DSG4: variants seen among roughly 807,000 people sequenced by gnomAD.
DSG4 encodes the protein desmoglein-4.
In DSG4, 87 loss-of-function variants were observed where a neutral mutation model predicts 93.1. The ratio of observed to expected loss-of-function variants is 0.93; its 90% CI spans 0.79 to 1.12. DSG4 has a LOEUF of 1.12. Ranked by LOEUF, DSG4 falls within the 50% of genes most tolerant of loss-of-function variation. The probability of loss-of-function intolerance (pLI) is 0.00; values close to 1 mark genes in which losing one functional copy is unlikely to be tolerated. For missense variants in DSG4, 1,373 were observed against 1,285.7 expected, an observed-to-expected ratio of 1.07 and a Z score of -1.04; for synonymous variants, 432 against 452.9, an observed-to-expected ratio of 0.95 and a Z score of 0.59.
chr18:31,382,098 C>A, intron 1 of DSG4, among the ~76,000 whole-genome samples: 1 of 152,208 alleles, frequency 6.6e-6, no homozygotes, highest in Admixed American at 6.5e-5. Context: ...ACCAGGCCCA[C>A]AGAGACTGTA....
chr18:31,398,262 G>A (rs141719365), intron 8 of DSG4, among the ~76,000 whole-genome samples: 141 of 152,234 alleles, frequency 9.3e-4, no homozygotes, highest in Non-Finnish European at 1.4e-3. Flanking sequence ...TGTGCAAAAG[G>A]AATCAAAATC....
chr18:31,406,789 T>C (rs542922499), intron 12 of DSG4, among the ~76,000 whole-genome samples: 4 of 151,064 alleles, frequency 2.6e-5, no homozygotes, highest in Non-Finnish European at 5.9e-5. Flanking sequence ...TTCTTTTTCT[T>C]TTTTTTGAGA....
chr18:31,406,829 G>A (rs1431368582), intron 12 of DSG4, among the ~76,000 whole-genome samples: 2 of 151,762 alleles, frequency 1.3e-5, no homozygotes, highest in Non-Finnish European at 2.9e-5. Flanking sequence ...CCAGGCTGGA[G>A]TGCAGTGGCG....
chr18:31,384,639 T>C (rs1183121583), intron 1 of DSG4, among the ~76,000 whole-genome samples: 3 of 152,198 alleles, frequency 2.0e-5, no homozygotes, highest in Non-Finnish European at 2.9e-5. Context: ...CAACAGCATG[T>C]AGATTCTTGC....
intron 5 of DSG4, among the ~76,000 whole-genome samples, chr18:31,390,056 G>A (rs965139908): frequency 2.0e-5 from 3 of 152,122 alleles, no homozygotes; most frequent in African/African-American, 7.2e-5. Context: ...TTGGGGATTT[G>A]CCTAAGATAC....
Position 31,409,435 on chromosome 18 carries a change from G to T in DSG4, c.1934-17G>T, listed in dbSNP as rs2072460976. 1 of 1,613,920 alleles carries T rather than the reference G, an allele frequency of 6.2e-7. No individual in the cohort carries two copies. The highest frequency in any genetic ancestry group is 1.3e-5 in the African/African-American group (1 of 74,924). On this transcript the variant is annotated splice_polypyrimidine_tract_variant and intron_variant, in intron 12 of 15. Transcript: ENST00000308128. ...GAGCAATGTGTGTTAACTCGACATT[G>T]TCACTTTCTTGGGCAGTGGCTCCAC...
At chr18:31,409,113 G>T (rs368641596) in intron 12 of DSG4, among the ~76,000 whole-genome samples, 1 of 152,066 alleles carries the variant, frequency 6.6e-6, no homozygotes, top group African/African-American at 2.4e-5. Context: ...TTCATGATGC[G>T]TTTAACTTAC....
intron 2 of DSG4, among the ~76,000 whole-genome samples, 158 bp from the exon 3 acceptor site, chr18:31,386,530 A>G (rs561727985): frequency 6.6e-6 from 1 of 152,310 alleles, no homozygotes; most frequent in South Asian, 2.1e-4. Context: ...TAACCAAGCT[A>G]TCTATCTATC....
chr18:31,410,926 G>C (rs1469179167), intron 14 of DSG4, among the ~76,000 whole-genome samples: 1 of 152,216 alleles, frequency 6.6e-6, no homozygotes, highest in African/African-American at 2.4e-5. Context: ...CAGCAGCCAC[G>C]GCGGGAACGG....
chr18:31,383,890 A>G (rs563658756), intron 1 of DSG4, among the ~76,000 whole-genome samples: 1 of 152,320 alleles, frequency 6.6e-6, no homozygotes, highest in South Asian at 2.1e-4. Flanking sequence ...CCTGCTTTTC[A>G]ATTATTTGTT....
chr18:31,398,017 AC>A (rs1258021390), intron 8 of DSG4, among the ~76,000 whole-genome samples: 33 of 112,898 alleles, frequency 2.9e-4, no homozygotes, highest in African/African-American at 1.2e-3. Context: ...ACAGAATGAG[AC>A]CCTGTCTCAA....
At chr18:31,405,672 C>G (rs1239587413) in intron 11 of DSG4, among the ~76,000 whole-genome samples, 4 of 151,788 alleles carry the variant, frequency 2.6e-5, no homozygotes. Flanking sequence ...TTGCTGGAGC[C>G]CAGGAGTTCA....
intron 3 of DSG4, among the ~76,000 whole-genome samples, chr18:31,387,080 T>C (rs2072196760): frequency 6.6e-6 from 1 of 152,152 alleles, no homozygotes; most frequent in African/African-American, 2.4e-5. Flanking sequence ...TGTGTACTGC[T>C]CATTATTGCC....
Position 31,391,157 on chromosome 18 carries a change from G to A in DSG4, c.764G>A (p.Cys255Tyr). The stretch of plus-strand genomic sequence containing the variant: ...GATGGACTGTCTTCTGAGTGTGACT[G>A]TAGAATCAAGGTTTTAGACGTCAAC... ...AADGLSSECDCRIKVLDVNDN... is the reference protein window; with the variant it reads ...AADGLSSECDYRIKVLDVNDN... Residue 255 changes from cysteine to tyrosine, a missense_variant, in exon 7 of 16, where the codon TGT becomes TAT. By Grantham distance (194) the Cys-to-Tyr change is radical (BLOSUM62 -2). Transcript: ENST00000308128. 6.2e-7 allele frequency: 1 copy of A among 1,613,724 alleles called. No homozygotes were observed. The highest frequency in any genetic ancestry group is 8.5e-7 in the Non-Finnish European group (1 of 1,179,742).
At chr18:31,389,808 C>G (rs956388554) in intron 5 of DSG4, among the ~76,000 whole-genome samples, 1 of 152,040 alleles carries the variant, frequency 6.6e-6, no homozygotes, top group Non-Finnish European at 1.5e-5. Context: ...CAGATAAACA[C>G]AAAATTTTTT....
chr18:31,399,101 C>CAT (rs2072335651), intron 8 of DSG4, among the ~76,000 whole-genome samples, 171 bp from the exon 9 acceptor site: 1 of 152,072 alleles, frequency 6.6e-6, no homozygotes, highest in Non-Finnish European at 1.5e-5. Flanking sequence ...AACAGAAAAA[C>CAT]ATATCTAAGA....
In DSG4 at chr18:31,409,492, A is replaced by G. The variant is rs746200774; in HGVS notation, c.1974A>G (p.Arg658=). ...LLLLLCCCKQ[R]QPEGLGTRFA... is the part of the protein sequence containing the mutation. Reference sequence around the variant, plus strand: ...TGCTCCTGTGTTGCTGCAAACAGAGACAGCCAGAAGGCCTGGGAACAAGAT... The same window carrying G: ...TGCTCCTGTGTTGCTGCAAACAGAGGCAGCCAGAAGGCCTGGGAACAAGAT... The change falls in exon 13 of 16, where the codon AGA becomes AGG. Residue 658 remains arginine (R), a synonymous_variant. Coordinates refer to ENST00000308128, the MANE Select transcript of DSG4 (RefSeq NM_177986.5). 2 of 1,614,084 alleles carry G rather than the reference A, an allele frequency of 1.2e-6. No homozygotes were observed. The highest frequency in any genetic ancestry group is 1.7e-6 in the Non-Finnish European group (2 of 1,180,052).
At chr18:31,402,955 G>T (rs957988566) in intron 10 of DSG4, among the ~76,000 whole-genome samples, 11 of 152,116 alleles carry the variant, frequency 7.2e-5, no homozygotes, top group Non-Finnish European at 1.6e-4. Flanking sequence ...ACACAAACAA[G>T]TATTTATTTC....
Position 31,376,908 on chromosome 18 carries a change from A to G in DSG4, c.-4A>G. 1 of 1,613,684 alleles carries G rather than the reference A, an allele frequency of 6.2e-7. No homozygotes were observed. The highest frequency in any genetic ancestry group is 1.1e-5 in the South Asian group (1 of 91,068). On this transcript the variant is annotated 5_prime_UTR_variant, in exon 1 of 16. Coordinates refer to ENST00000308128, the MANE Select transcript of DSG4 (RefSeq NM_177986.5). ...GGATTTGCGTGCAAGAGAAACCCAA[A>G]GGAATGGATTGGCTCTTCTTCAGAA...
Sources: gnomAD v4.1 joint callset for allele counts (sites outside exome capture counted in the v4.1 genomes callset) on GRCh38, gnomAD v4.1.1 for gene constraint, MANE v1.5 for transcripts, NCBI Gene and HGNC (gene_info 2026-07-23, HGNC 2026-07-21) for gene names.